Variants in SYNE2 observed in about 807,000 individuals in gnomAD.
SYNE2 encodes the protein spectrin repeat containing nuclear envelope protein 2, also known as nesprin-2.
A neutral mutation model predicts 856.3 loss-of-function variants in SYNE2; 431 were observed. That is an observed-to-expected ratio of 0.50 (90% CI 0.47 to 0.55). SYNE2 has a LOEUF of 0.55. Among genes scored for constraint, SYNE2 ranks in the 20% least tolerant of loss-of-function variants. The probability of loss-of-function intolerance (pLI) is 0.00; values close to 1 mark genes in which losing one functional copy is unlikely to be tolerated. For synonymous variants in SYNE2, 2,923 were observed against 2,872.3 expected (o/e 1.02, Z -0.56); for missense variants, 8,129 against 8,023.2 (o/e 1.01, Z -0.50).
chr14:64,070,985 A>G, intron 52 of SYNE2, 75 bp downstream of exon 52: 1 of 1,482,190 alleles, frequency 6.7e-7, no homozygotes, highest in Non-Finnish European at 9.4e-7. Context: ...CTAAAAGTAT[A>G]GAATAATGGC....
intron 1 of SYNE2, among the ~76,000 whole-genome samples, chr14:63,776,513 T>G (rs1266443062): frequency 4.6e-5 from 7 of 152,238 alleles, no homozygotes; most frequent in African/African-American, 1.7e-4. Context: ...CAGAGGAGTA[T>G]TTTACTGACA....
rs2096904406 is a variant in SYNE2, at chr14:64,017,761, T to C, written c.5049+5T>C. 1.2e-6 allele frequency: 2 copies of C among 1,613,260 alleles called. No homozygotes were observed. The highest frequency in any genetic ancestry group is 2.2e-5 in the East Asian group (1 of 44,752). On this transcript the variant is annotated splice_donor_5th_base_variant and intron_variant, in intron 34 of 115. Transcript: ENST00000555002. ...GAGGACAGAGAAAGGCTGAAGGTAA[T>C]TTAACAGATAAAATACATGCTTTTC...
chr14:63,807,852 T>TATATATATATATAA (rs1888435675), intron 1 of SYNE2, among the ~76,000 whole-genome samples: 1 of 104,246 alleles, frequency 9.6e-6, no homozygotes, highest in African/African-American at 3.5e-5. Context: ...TATATATATA[T>TATATATATATATAA]ATATATATAT....
chr14:64,151,420 TAAAAAAAAAAAAAAAA>T (rs540541655), intron 84 of SYNE2, among the ~76,000 whole-genome samples: 1 of 19,340 alleles, frequency 5.2e-5, no homozygotes. Context: ...ACAAAGGATT[TAAAAAAAAAAAAAAAA>T]AAAAAAAAAA....
intron 7 of SYNE2, 48 bp from the exon 8 acceptor site, chr14:63,954,671 T>TA (rs776719014): frequency 5.2e-6 from 8 of 1,550,016 alleles, no homozygotes; most frequent in Admixed American, 1.7e-5. Context: ...AGGGGGGTGT[T>TA]ACGTTCTTTT....
chr14:63,950,374 T>C (rs1172422226), intron 7 of SYNE2, among the ~76,000 whole-genome samples: 1 of 151,994 alleles, frequency 6.6e-6, no homozygotes, highest in African/African-American at 2.4e-5. Flanking sequence ...GCTAACATGG[T>C]GAAACCCCGT....
intron 62 of SYNE2, 116 bp from the exon 63 acceptor site, chr14:64,098,631 G>A (rs907383772): frequency 1.2e-5 from 12 of 989,092 alleles, no homozygotes; most frequent in Admixed American, 8.0e-5. Flanking sequence ...TTGTGGGGGT[G>A]GGCATCTTGG....
intron 16 of SYNE2, 92 bp from the exon 17 acceptor site, chr14:63,982,524 AAAAAAAAAAAAAAG>A (rs2096593828): frequency 1.7e-6 from 2 of 1,164,350 alleles, no homozygotes; most frequent in Non-Finnish European, 2.4e-6. Context: ...CATCTCAAAA[AAAAAAAAAAAAAAG>A]AAAAGAAAAA....
chr14:64,085,137 A>T, intron 57 of SYNE2: 2 of 621,844 alleles, frequency 3.2e-6, no homozygotes, highest in South Asian at 3.8e-5. Context: ...CAGTGGCACA[A>T]TGTCGGCTCA....
At chr14:64,117,322 C>G (rs1276667896) in intron 66 of SYNE2, among the ~76,000 whole-genome samples, 2 of 152,076 alleles carry the variant, frequency 1.3e-5, no homozygotes, top group Non-Finnish European at 2.9e-5. Context: ...TTAGAGTTAA[C>G]AGGGTCTTGC....
intron 44 of SYNE2, among the ~76,000 whole-genome samples, chr14:64,030,742 A>C (rs1342333844): frequency 6.6e-6 from 1 of 152,224 alleles, no homozygotes; most frequent in Non-Finnish European, 1.5e-5. Flanking sequence ...ATCTTGAACA[A>C]AACATATATA....
intron 94 of SYNE2, among the ~76,000 whole-genome samples, chr14:64,171,010 AC>A (rs1182203306): frequency 6.6e-6 from 1 of 152,038 alleles, no homozygotes; most frequent in Non-Finnish European, 1.5e-5. Flanking sequence ...GGGGATGGAA[AC>A]CCCGTTCTCC....
chr14:63,784,326 A>C lies in SYNE2; in HGVS notation c.-305+22340A>C, dbSNP rs1887432254. On this transcript the variant is annotated intron_variant, in intron 1 of 23. Transcript: ENST00000674003. ...TCCAATATGGTGAAACCCTGTCTCT[A>C]CTAAAAAAAAAAATACAAAAATTAG... Among the ~76,000 whole-genome samples, 3 of 117,240 alleles carry C rather than the reference A, an allele frequency of 2.6e-5. No individual in the cohort carries two copies. In the South Asian group the frequency reaches 1.1e-3, roughly 43 times the overall value. 76.9% of individuals were successfully genotyped at this position (117,240 alleles called of 152,430 possible).
chr14:63,828,350 A>G (rs558191428), intron 1 of SYNE2, among the ~76,000 whole-genome samples: 1 of 152,280 alleles, frequency 6.6e-6, no homozygotes, highest in African/African-American at 2.4e-5. Context: ...TCTAAAGTAT[A>G]TGGGATGGGC....
At chr14:64,188,526 T>A in intron 97 of SYNE2, 24 bp from the exon 98 acceptor site, 1 of 1,614,122 alleles carries the variant, frequency 6.2e-7, no homozygotes, top group Non-Finnish European at 8.5e-7. Flanking sequence ...TATACTCAGC[T>A]GCCAAATGTA....
At position 64,025,023 on chromosome 14, in the gene SYNE2, TAGAAAGA is replaced by T. The variant is rs1381674582; in HGVS notation, c.5953_5959del (p.Arg1985GlyfsTer10). The T allele has an allele frequency of 6.2e-7, 1 of 1,614,078 alleles. No homozygotes were observed. Among genetic ancestry groups the T allele is most frequent in the Non-Finnish European group, 8.5e-7 (1 of 1,179,958 alleles). ...CTGAGCTGTTCTGCCAAGCTTTAGC[TAGAAAGA>T]GGTATAGCTGATCTTGTATGAAATA... On this transcript the variant is annotated frameshift_variant and splice_region_variant, in exon 40 of 116. Transcript: ENST00000555002. LOFTEE classifies it high-confidence loss of function.
chr14:63,939,790 A>G (rs766206445), intron 2 of SYNE2, among the ~76,000 whole-genome samples: 6 of 152,224 alleles, frequency 3.9e-5, no homozygotes, highest in Non-Finnish European at 7.3e-5. Context: ...GACACTGCTC[A>G]AGGTCACACA....
intron 61 of SYNE2, among the ~76,000 whole-genome samples, chr14:64,096,079 G>A (rs1232632471): frequency 6.6e-6 from 1 of 152,182 alleles, no homozygotes; most frequent in South Asian, 2.1e-4. Flanking sequence ...GACACCAAAC[G>A]TACCAATACT....
intron 99 of SYNE2, chr14:64,202,340 C>G (rs527314938): frequency 7.0e-5 from 49 of 701,264 alleles, no homozygotes; most frequent in Non-Finnish European, 1.2e-4. Context: ...CAAATACCAC[C>G]AAGTGAACCA....
Sources: gnomAD v4.1 joint callset for allele counts (sites outside exome capture counted in the v4.1 genomes callset) on GRCh38, gnomAD v4.1.1 for gene constraint, MANE v1.5 for transcripts, NCBI Gene and HGNC (gene_info 2026-07-23, HGNC 2026-07-21) for gene names.